MGAT4D: variants seen among roughly 807,000 people sequenced by gnomAD.
MGAT4D encodes alpha-1,3-mannosyl-glycoprotein 4-beta-N-acetylglucosaminyltransferase-like protein MGAT4D.
Under a neutral mutation model 15.9 loss-of-function variants are expected in MGAT4D, and 34 were observed. That is an observed-to-expected ratio of 2.14 (90% CI 1.62 to 2.84). The LOEUF (loss-of-function observed/expected upper bound fraction) is 2.84, where lower values mean the gene tolerates loss of function less well. Among genes scored for constraint, MGAT4D ranks in the 30% most tolerant of loss-of-function variants. The pLI, the probability that MGAT4D is intolerant of heterozygous loss-of-function variation, is 0.00. For missense variants in MGAT4D, 327 were observed against 140.2 expected (o/e 2.33, Z -6.73); for synonymous variants, 112 against 48.2 (o/e 2.33, Z -5.49).
Position 140,479,566 on chromosome 4 carries a change from T to TA in MGAT4D, c.314dup (p.Leu105PhefsTer13). 4 of 559,718 alleles carry TA rather than the reference T, an allele frequency of 7.1e-6. No homozygotes were observed. The highest frequency in any genetic ancestry group is 1.3e-5 in the Non-Finnish European group (4 of 316,022). The allele number at this position is 559,718 out of a possible 1,614,324, so 34.7% of individuals were successfully genotyped here. On this transcript the variant is annotated frameshift_variant, in exon 3 of 11. Transcript: ENST00000511113. LOFTEE classifies it high-confidence loss of function. ...TCCTTAGATGAGGAAAAAAGAACTT[T>TA]AAGTCTTCAAATGTATTAGATACTG...
chr4:140,462,860 C>G (rs1394884997), intron 6 of MGAT4D, among the ~76,000 whole-genome samples: 1 of 152,112 alleles, frequency 6.6e-6, no homozygotes, highest in Non-Finnish European at 1.5e-5. Flanking sequence ...CTTGGCCAGG[C>G]AGAACAGTGC....
chr4:140,469,358 G>T (rs1235585167), intron 5 of MGAT4D, among the ~76,000 whole-genome samples: 1 of 152,026 alleles, frequency 6.6e-6, no homozygotes, highest in Admixed American at 6.6e-5. Context: ...ATATTAAAAA[G>T]GACATTTATT....
intron 10 of MGAT4D, among the ~76,000 whole-genome samples, chr4:140,444,956 A>T (rs1376537195): frequency 6.6e-6 from 1 of 150,982 alleles, no homozygotes; most frequent in Non-Finnish European, 1.5e-5. Flanking sequence ...ATCTTGGCCC[A>T]CTGCAACCTC....
rs184729407 is a variant in MGAT4D, at chr4:140,448,104, G to A, written c.1116+3306C>T. ...TAGCCTGATGGGGTTCCCTTTACAG[G>A]TTACCTGCCCTTTCTGTCTGGCTGC... On this transcript the variant is annotated intron_variant, in intron 10 of 10. Transcript: ENST00000511113. Among the ~76,000 whole-genome samples the A allele has an allele frequency of 3.1e-3, 469 of 152,206 alleles. 5 individuals carry two copies. Among genetic ancestry groups the A allele is most frequent in the African/African-American group, 0.011 (442 of 41,522 alleles).
rs943758301 is a variant in MGAT4D, at chr4:140,462,000, G to T, written c.691C>A (p.Arg231=). 2 of 699,324 alleles carry T rather than the reference G, an allele frequency of 2.9e-6. No homozygotes were observed. The highest frequency in any genetic ancestry group is 3.0e-5 in the South Asian group (2 of 66,988). 43.3% of individuals were successfully genotyped at this position (699,324 alleles called of 1,614,324 possible). ...CAAAAATCCAATACCTGTTTGATTC[G>T]CCAACTAAAGGTAATCAATAAGATC... The part of the protein sequence containing the change: ...AEASQKLASW[R]IKQVLDFCIL... Residue 231 remains arginine, a synonymous_variant, in exon 7 of 11, where the codon CGA becomes AGA. Coordinates refer to ENST00000511113, the MANE Select transcript of MGAT4D (RefSeq NM_001277353.2).
intron 3 of MGAT4D, among the ~76,000 whole-genome samples, chr4:140,477,377 C>T (rs1732406654): frequency 6.6e-6 from 1 of 152,144 alleles, no homozygotes; most frequent in African/African-American, 2.4e-5. Context: ...CTTATTCACC[C>T]CATATCCCAG....
chr4:140,452,060 G>C (rs536689448), intron 9 of MGAT4D, among the ~76,000 whole-genome samples: 27 of 151,082 alleles, frequency 1.8e-4, no homozygotes, highest in Admixed American at 7.2e-4. Flanking sequence ...ACATTTGAAG[G>C]CCAGGCACAG....
rs959495226 is a variant in MGAT4D at position 140,476,335 on chromosome 4, T to C, written c.392-1389A>G. 2.0e-5 allele frequency among the ~76,000 whole-genome samples: 3 copies of C among 152,240 alleles called. No individual in the cohort carries two copies. The East Asian group carries it at 5.8e-4, about 29-fold the overall frequency. Reference sequence around the variant, plus strand: ...GATGAAGAGAAATTCTTAATTGTAATGTAGTGCAATTTGTCATCCATTTTC... The same window carrying C: ...GATGAAGAGAAATTCTTAATTGTAACGTAGTGCAATTTGTCATCCATTTTC... On this transcript the variant is annotated intron_variant, in intron 3 of 10. Transcript: ENST00000511113.
intron 5 of MGAT4D, among the ~76,000 whole-genome samples, chr4:140,470,528 A>G (rs974267354): frequency 2.6e-5 from 4 of 152,328 alleles, no homozygotes; most frequent in South Asian, 2.1e-4. Context: ...ATTTCTTAGC[A>G]TGGTGCATAG....
In MGAT4D at chr4:140,489,628, A is replaced by G. The variant is rs116376022; in HGVS notation, c.95-7143T>C. Among the ~76,000 whole-genome samples, 368 of 152,300 alleles carry G rather than the reference A, an allele frequency of 2.4e-3. 1 individual carries two copies. Among genetic ancestry groups the G allele is most frequent in the African/African-American group, 8.1e-3 (335 of 41,570 alleles). ...TATACCTTAATAAATAAAACTCTGT[A>G]CTTGCTTCTTTAGCTCAATTTATGC... On this transcript the variant is annotated intron_variant, in intron 1 of 10. Transcript: ENST00000511113.
At chr4:140,469,585 T>C (rs1263328571) in intron 5 of MGAT4D, among the ~76,000 whole-genome samples, 2 of 152,146 alleles carry the variant, frequency 1.3e-5, no homozygotes, top group Non-Finnish European at 2.9e-5. Context: ...TAACCGTCAT[T>C]TTTCTTTCTT....
chr4:140,463,228 C>A (rs1731310835), intron 6 of MGAT4D, among the ~76,000 whole-genome samples: 1 of 152,146 alleles, frequency 6.6e-6, no homozygotes, highest in African/African-American at 2.4e-5. Flanking sequence ...CCTTATCTCA[C>A]AGAGTTCTTT....
chr4:140,452,993 A>G (rs1730568250), intron 9 of MGAT4D, among the ~76,000 whole-genome samples: 1 of 152,168 alleles, frequency 6.6e-6, no homozygotes, highest in Admixed American at 6.5e-5. Context: ...TCCAGTAAAC[A>G]TTTGTGATAA....
intron 1 of MGAT4D, among the ~76,000 whole-genome samples, chr4:140,489,860 G>A (rs1733391057): frequency 6.6e-6 from 1 of 152,154 alleles, no homozygotes; most frequent in Non-Finnish European, 1.5e-5. Flanking sequence ...TGGTGGTAGA[G>A]ATGTTATTTA....
intron 10 of MGAT4D, among the ~76,000 whole-genome samples, chr4:140,446,336 C>G (rs1331256172): frequency 1.3e-5 from 2 of 152,036 alleles, no homozygotes; most frequent in South Asian, 4.1e-4. Context: ...ATTACTGATT[C>G]AATTTTGGAG....
intron 2 of MGAT4D, among the ~76,000 whole-genome samples, chr4:140,480,536 A>C (rs1344915704): frequency 6.6e-6 from 1 of 152,208 alleles, no homozygotes; most frequent in Non-Finnish European, 1.5e-5. Flanking sequence ...TGAAAGCATC[A>C]GAAAGAGAAT....
At chr4:140,469,325 CG>C (rs1403525440) in intron 5 of MGAT4D, among the ~76,000 whole-genome samples, 6 of 152,140 alleles carry the variant, frequency 3.9e-5, no homozygotes, top group Non-Finnish European at 8.8e-5. Context: ...GATATCATTT[CG>C]CCCTTACATT....
chr4:140,472,530 G>C (rs1732035901), intron 4 of MGAT4D, among the ~76,000 whole-genome samples: 1 of 152,150 alleles, frequency 6.6e-6, no homozygotes, highest in African/African-American at 2.4e-5. Flanking sequence ...GGCAACTCTA[G>C]ATGTATGTAC....
intron 9 of MGAT4D, among the ~76,000 whole-genome samples, chr4:140,454,230 G>C (rs1730651050): frequency 6.6e-6 from 1 of 152,118 alleles, no homozygotes; most frequent in Non-Finnish European, 1.5e-5. Flanking sequence ...TAAACATGAA[G>C]TTGGCTATGG....
Sources: gnomAD v4.1 joint callset for allele counts (sites outside exome capture counted in the v4.1 genomes callset) on GRCh38, gnomAD v4.1.1 for gene constraint, MANE v1.5 for transcripts, NCBI Gene and HGNC (gene_info 2026-07-23, HGNC 2026-07-21) for gene names.